STARD13: variants seen among roughly 807,000 people sequenced by gnomAD.
STARD13 encodes stAR-related lipid transfer protein 13.
In STARD13, 62 loss-of-function variants were observed where a neutral mutation model predicts 106.4. That is an observed-to-expected ratio of 0.58 (90% CI 0.48 to 0.72). The LOEUF (loss-of-function observed/expected upper bound fraction) is 0.72. STARD13 is among the 30% of genes least tolerant of loss of function. The pLI, the probability that STARD13 is intolerant of heterozygous loss-of-function variation, is 0.00. For synonymous variants in STARD13, 565 were observed against 553.0 expected, an observed-to-expected ratio of 1.02 and a Z score of -0.31; for missense variants, 1,387 against 1,424.0, an observed-to-expected ratio of 0.97 and a Z score of 0.42.
At chr13:33,107,537 G>T (rs981082654) in intron 12 of STARD13, among the ~76,000 whole-genome samples, 1 of 152,156 alleles carries the variant, frequency 6.6e-6, no homozygotes, top group African/African-American at 2.4e-5. Context: ...TGAAGGAAAA[G>T]AAACATATGT....
chr13:33,593,122 A>G, the STARD13 span, among the ~76,000 whole-genome samples: 651 of 152,304 alleles, frequency 4.3e-3, 6 homozygotes, highest in African/African-American at 0.015. Context: ...AATTATGTCA[A>G]TTCAGCCAGA....
the STARD13 span, among the ~76,000 whole-genome samples, chr13:33,475,036 T>C: frequency 6.6e-6 from 1 of 152,218 alleles, no homozygotes; most frequent in Non-Finnish European, 1.5e-5. Context: ...ATAAAAGGGA[T>C]ACGTGCTTAT....
chr13:33,130,392 C>G lies in STARD13; in HGVS notation c.388-103G>C. The G allele has an allele frequency of 8.9e-7, 1 of 1,121,812 alleles. No individual in the cohort carries two copies. The highest frequency in any genetic ancestry group is 1.3e-6 in the Non-Finnish European group (1 of 785,190). 69.5% of individuals were successfully genotyped at this position (1,121,812 alleles called of 1,614,324 possible). On this transcript the variant is annotated intron_variant, in intron 4 of 13. Coordinates refer to ENST00000336934, the MANE Select transcript of STARD13 (RefSeq NM_178006.4). The surrounding 1 kb of genome is among the most constrained non-coding windows in gnomAD (Gnocchi z 4.1). ...CTGTGTGGTCCTCCACCTCCCTCCC[C>G]TCTGTCCTCCCATGCACAGGTGTGA...
intron 11 of STARD13, 68 bp downstream of exon 11, chr13:33,110,618 C>A: frequency 7.1e-7 from 1 of 1,401,928 alleles, no homozygotes. Flanking sequence ...GTTTTCAATG[C>A]AAAAACAAAT....
At chr13:33,329,321 A>C (rs540098001) in intron 1 of STARD13, among the ~76,000 whole-genome samples, 1 of 152,198 alleles carries the variant, frequency 6.6e-6, no homozygotes, top group African/African-American at 2.4e-5. Flanking sequence ...TAAGGTGTAC[A>C]ACGGGATGTC....
the STARD13 span, among the ~76,000 whole-genome samples, chr13:33,670,841 C>T: frequency 6.6e-6 from 1 of 152,218 alleles, no homozygotes; most frequent in Non-Finnish European, 1.5e-5. Context: ...TTCATCTTGT[C>T]TCCCATGATA....
the STARD13 span, among the ~76,000 whole-genome samples, chr13:33,651,920 C>T: frequency 6.6e-6 from 1 of 152,210 alleles, no homozygotes; most frequent in Non-Finnish European, 1.5e-5. Flanking sequence ...TGAAGCCATC[C>T]TGGACCCTTC....
At chr13:33,266,771 T>C (rs932581062) in intron 1 of STARD13, among the ~76,000 whole-genome samples, 1 of 152,226 alleles carries the variant, frequency 6.6e-6, no homozygotes, top group African/African-American at 2.4e-5. Flanking sequence ...CTCCCTTGAA[T>C]TGTCAATATT....
the STARD13 span, among the ~76,000 whole-genome samples, chr13:33,545,280 A>G: frequency 5.3e-5 from 8 of 151,654 alleles, no homozygotes; most frequent in Admixed American, 1.3e-4. Context: ...TATTTTTAGT[A>G]GAGACGGGGT....
At chr13:33,492,217 C>G in the STARD13 span, among the ~76,000 whole-genome samples, 1 of 152,162 alleles carries the variant, frequency 6.6e-6, no homozygotes, top group African/African-American at 2.4e-5. Context: ...GTGCAGGTCA[C>G]AGGGGATATG....
At position 33,193,333 on chromosome 13, in the gene STARD13, C is replaced by T. The variant is rs975158329; in HGVS notation, c.170-25711G>A. ...AAAGTTGAACCATCAAAGATCTTGA[C>T]GCCTTGCAGAAGGTTCTAGGTGGGA... On this transcript the variant is annotated intron_variant, in intron 1 of 13. Transcript: ENST00000336934. Among the ~76,000 whole-genome samples, 7 of 152,222 alleles carry T rather than the reference C, an allele frequency of 4.6e-5. No homozygotes were observed. In the South Asian group the frequency reaches 6.2e-4, roughly 14 times the overall value.
chr13:33,287,980 C>T (rs575792115), upstream of STARD13, among the ~76,000 whole-genome samples: 3 of 151,928 alleles, frequency 2.0e-5, no homozygotes, highest in South Asian at 2.1e-4. Context: ...AAAGATAGAC[C>T]GGCCATTTCC....
chr13:33,475,088 T>C, the STARD13 span, among the ~76,000 whole-genome samples: 1 of 152,170 alleles, frequency 6.6e-6, no homozygotes, highest in East Asian at 1.9e-4. Flanking sequence ...AAATTATTTT[T>C]GATGCTCCTT....
chr13:33,310,778 G>A (rs978693137), intron 1 of STARD13, among the ~76,000 whole-genome samples: 3 of 152,086 alleles, frequency 2.0e-5, no homozygotes, highest in Non-Finnish European at 2.9e-5. Flanking sequence ...TCTGAGAAAT[G>A]TGTCCTTAGG....
At chr13:33,638,702 A>G in the STARD13 span, among the ~76,000 whole-genome samples, 1 of 152,146 alleles carries the variant, frequency 6.6e-6, no homozygotes, top group East Asian at 1.9e-4. Flanking sequence ...CTGAATTCTA[A>G]AAGGAGGAAG....
intron 1 of STARD13, among the ~76,000 whole-genome samples, chr13:33,328,571 T>G (rs1158764135): frequency 6.6e-6 from 1 of 152,252 alleles, no homozygotes; most frequent in Admixed American, 6.5e-5. Context: ...TTTTGAAAGA[T>G]TGACCAAGAA....
chr13:33,110,082 G>A lies in STARD13; in HGVS notation c.2838C>T (p.Asp946=), dbSNP rs751457392. ...CCTTCCACAGCTTCAGCGGGTTCCC[G>A]TCGCCCACCTTGGGAAAGACAACGT... is the stretch of plus-strand genomic sequence containing the variant. ...NTDLAFKKVG[D]GNPLKLWKAS... Residue 946 remains aspartate, a synonymous_variant, in exon 12 of 14, where the codon GAC becomes GAT. Coordinates refer to ENST00000336934, the MANE Select transcript of STARD13 (RefSeq NM_178006.4). 2.6e-5 allele frequency: 42 copies of A among 1,613,964 alleles called. 1 individual carries two copies. In the East Asian group the frequency reaches 6.5e-4, roughly 25 times the overall value.
At chr13:33,486,201 C>T in the STARD13 span, among the ~76,000 whole-genome samples, 5 of 152,122 alleles carry the variant, frequency 3.3e-5, no homozygotes, top group Non-Finnish European at 5.9e-5. Flanking sequence ...ATGGGTTTCT[C>T]AGTGTCCATA....
the STARD13 span, among the ~76,000 whole-genome samples, chr13:33,383,337 G>T: frequency 6.6e-6 from 1 of 152,000 alleles, no homozygotes; most frequent in Non-Finnish European, 1.5e-5. Context: ...GGTCGAGGCT[G>T]CAGTGAACTC....
Sources: allele counts gnomAD v4.1 joint callset (sites outside exome capture counted in the v4.1 genomes callset), GRCh38; gene constraint gnomAD v4.1.1; non-coding constraint Gnocchi (gnomAD v3.1); transcripts MANE v1.5; gene names NCBI Gene and HGNC (gene_info 2026-07-23, HGNC 2026-07-21).